The following SMOC1 variants were observed in gnomAD, a reference collection of about 807,000 sequenced individuals.
SMOC1 encodes the protein SPARC related modular calcium binding 1.
Under a neutral mutation model 56.3 loss-of-function variants are expected in SMOC1, and 22 were observed. The ratio of observed to expected loss-of-function variants is 0.39; its 90% CI spans 0.28 to 0.56. The LOEUF (loss-of-function observed/expected upper bound fraction) is 0.56, where lower values mean the gene tolerates loss of function less well. Ranked by LOEUF, SMOC1 falls within the 20% of genes least tolerant of loss-of-function variation. The probability of loss-of-function intolerance (pLI) is 0.61; values close to 1 mark genes in which losing one functional copy is unlikely to be tolerated. For missense variants in SMOC1, 509 were observed against 565.4 expected, an observed-to-expected ratio of 0.90 and a Z score of 1.01; for synonymous variants, 193 against 215.0, an observed-to-expected ratio of 0.90 and a Z score of 0.89.
chr14:70,012,049 C>T (rs112802247), intron 9 of SMOC1, among the ~76,000 whole-genome samples: 17 of 152,312 alleles, frequency 1.1e-4, no homozygotes, highest in Middle Eastern at 3.4e-3. Context: ...GGCTGATGTG[C>T]GGGTTTCCCC....
chr14:69,891,551 C>A (rs561004416), intron 1 of SMOC1, among the ~76,000 whole-genome samples: 1 of 152,208 alleles, frequency 6.6e-6, no homozygotes, highest in African/African-American at 2.4e-5. Flanking sequence ...AATCCCTCTT[C>A]CCTCCCTACC....
chr14:69,937,544 C>A (rs1885326029), intron 1 of SMOC1, among the ~76,000 whole-genome samples: 1 of 152,136 alleles, frequency 6.6e-6, no homozygotes, highest in Admixed American at 6.5e-5. Flanking sequence ...GGATTTCTCT[C>A]CTGCTCAGAA....
intron 3 of SMOC1, among the ~76,000 whole-genome samples, chr14:69,955,211 C>G (rs1883141039): frequency 6.6e-6 from 1 of 152,070 alleles, no homozygotes; most frequent in Non-Finnish European, 1.5e-5. Flanking sequence ...CCTCAGAAGC[C>G]CTCCATACTC....
chr14:69,936,291 G>A (rs1885294047), intron 1 of SMOC1, among the ~76,000 whole-genome samples: 2 of 152,222 alleles, frequency 1.3e-5, no homozygotes, highest in Non-Finnish European at 2.9e-5. Flanking sequence ...GAGATTCAGA[G>A]CTGCATCATA....
At chr14:69,990,249 T>C (rs1884513395) in intron 5 of SMOC1, among the ~76,000 whole-genome samples, 1 of 152,216 alleles carries the variant, frequency 6.6e-6, no homozygotes, top group Non-Finnish European at 1.5e-5. Flanking sequence ...AAGATTTTCA[T>C]CTGGATGATG....
At chr14:69,901,692 G>A (rs1884245674) in intron 1 of SMOC1, among the ~76,000 whole-genome samples, 1 of 152,238 alleles carries the variant, frequency 6.6e-6, no homozygotes, top group South Asian at 2.1e-4. Flanking sequence ...TTGTGCAAGT[G>A]CATATTGCAA....
chr14:70,027,943 G>T (rs1594864065), intron 11 of SMOC1, among the ~76,000 whole-genome samples: 2 of 152,206 alleles, frequency 1.3e-5, no homozygotes, highest in South Asian at 2.1e-4. Flanking sequence ...GTGTGCAGGG[G>T]CTCCGGGAGC....
At chr14:69,997,834 G>A (rs1884823016) in intron 7 of SMOC1, among the ~76,000 whole-genome samples, 2 of 152,300 alleles carry the variant, frequency 1.3e-5, no homozygotes, top group African/African-American at 4.8e-5. Context: ...TTTGATGGAT[G>A]ATCCTGGGTT....
intron 1 of SMOC1, chr14:69,885,316 T>G: frequency 8.1e-7 from 1 of 1,231,530 alleles, no homozygotes; most frequent in Non-Finnish European, 1.2e-6. Flanking sequence ...TATTTTTATG[T>G]ACAGAAAACT....
In SMOC1 at chr14:69,978,080, ATCT is replaced by A. The variant is rs1884035110; in HGVS notation, c.526+119_526+121del. 5.9e-6 allele frequency: 5 copies of A among 845,380 alleles called. No individual in the cohort carries two copies. The East Asian group carries it at 9.9e-5, about 17-fold the overall frequency. The allele number at this position is 845,380 out of a possible 1,614,324, so 52.4% of individuals were successfully genotyped here. A position where few individuals can be genotyped will look rare whatever the true frequency, so the allele number is the denominator to read the frequency against. On this transcript the variant is annotated intron_variant, in intron 5 of 11. Coordinates refer to ENST00000361956, the MANE Select transcript of SMOC1 (RefSeq NM_001034852.3). Reference sequence around the variant, plus strand: ...GAAAGCCTAAGGTGTCCCGCAGAACATCTTCTCCATTCTTATTCCATGTTTCCT... The same window carrying A: ...GAAAGCCTAAGGTGTCCCGCAGAACATCTCCATTCTTATTCCATGTTTCCT...
chr14:69,885,611 A>C, intron 1 of SMOC1: 3 of 1,508,632 alleles, frequency 2.0e-6, no homozygotes, highest in Non-Finnish European at 2.7e-6. Flanking sequence ...AGGGACCCCC[A>C]TTTTACGACA....
chr14:69,900,476 C>T lies in SMOC1; in HGVS notation c.99+20699C>T, dbSNP rs1297276650. 2.0e-5 allele frequency among the ~76,000 whole-genome samples: 3 copies of T among 152,246 alleles called. No homozygotes were observed. In the South Asian group the frequency reaches 6.2e-4, roughly 32 times the overall value. The stretch of plus-strand genomic sequence containing the variant: ...ATGGAGCAGTACATAATGGACAGCA[C>T]TTATAACACTTATCTGGCTCTTCTT... On this transcript the variant is annotated intron_variant, in intron 1 of 11. Coordinates refer to ENST00000361956, the MANE Select transcript of SMOC1 (RefSeq NM_001034852.3).
At chr14:70,003,361 C>A (rs1885037241) in intron 7 of SMOC1, among the ~76,000 whole-genome samples, 1 of 152,088 alleles carries the variant, frequency 6.6e-6, no homozygotes, top group African/African-American at 2.4e-5. Flanking sequence ...ATTTTTCCCC[C>A]AAGAAAATCC....
intron 1 of SMOC1, among the ~76,000 whole-genome samples, chr14:69,902,061 C>T (rs780297024): frequency 9.2e-5 from 14 of 152,210 alleles, no homozygotes; most frequent in Non-Finnish European, 2.1e-4. Context: ...AGTGTATGCC[C>T]TCCTCTGGTT....
At chr14:69,992,995 C>T (rs227418) in intron 6 of SMOC1, among the ~76,000 whole-genome samples, 34,780 of 152,106 alleles carry the variant, frequency 0.23, 5,406 homozygotes, top group African/African-American at 0.44. Flanking sequence ...AAAGAGATCA[C>T]CATGGTCTGG....
At chr14:69,898,285 G>A (rs1012231502) in intron 1 of SMOC1, among the ~76,000 whole-genome samples, 12 of 151,996 alleles carry the variant, frequency 7.9e-5, no homozygotes, top group African/African-American at 2.4e-4. Context: ...ACCTGGCTTA[G>A]TGTTCTCTCT....
intron 1 of SMOC1, among the ~76,000 whole-genome samples, chr14:69,922,992 T>C (rs1359322493): frequency 6.6e-6 from 1 of 151,506 alleles, no homozygotes; most frequent in African/African-American, 2.4e-5. Flanking sequence ...TCGTCCAGGC[T>C]GGAGTGCAGT....
intron 1 of SMOC1, among the ~76,000 whole-genome samples, chr14:69,884,051 C>T (rs866632483): frequency 2.2e-4 from 33 of 151,272 alleles, no homozygotes; most frequent in Non-Finnish European, 2.1e-4. Context: ...GGACTACAGG[C>T]GCCCGCCACC....
chr14:70,013,582 T>A, intron 10 of SMOC1, 91 bp downstream of exon 10: 1 of 1,080,472 alleles, frequency 9.3e-7, no homozygotes. Flanking sequence ...GTGGGCAGGG[T>A]TTGAGGAGGG....
Sources: gnomAD v4.1 joint callset for allele counts (sites outside exome capture counted in the v4.1 genomes callset) on GRCh38, gnomAD v4.1.1 for gene constraint, MANE v1.5 for transcripts, NCBI Gene and HGNC (gene_info 2026-07-23, HGNC 2026-07-21) for gene names.